FAM156A: variants seen among roughly 807,000 people sequenced by gnomAD.
The protein encoded by FAM156A is protein FAM156A/FAM156B.
chrX:52,975,051 TACACACACACACAC>T (rs61081750), intron 1 of FAM156A, among the ~76,000 whole-genome samples: 4,139 of 83,627 alleles, frequency 0.049, 102 homozygotes, highest in Middle Eastern at 0.13. Flanking sequence ...GTTAAACACA[TACACACACACACAC>T]ACACACACAC....
chrX:52,980,867 G>C (rs1047773794), intron 1 of FAM156A, among the ~76,000 whole-genome samples: 5 of 104,790 alleles, frequency 4.8e-5, no homozygotes, highest in Non-Finnish European at 9.8e-5. Context: ...GAGAGAGAGA[G>C]AGAGAGGCTG....
chrX:52,986,157 A>G (rs1422567626), intron 1 of FAM156A, among the ~76,000 whole-genome samples: 4 of 109,756 alleles, frequency 3.6e-5, no homozygotes, highest in Non-Finnish European at 7.6e-5. Context: ...GGCTGGGTCA[A>G]ATGGTATTTC....
chrX:52,991,463 T>C (rs1556795610), intron 1 of FAM156A, among the ~76,000 whole-genome samples: 1 of 111,394 alleles, frequency 9.0e-6, no homozygotes, highest in Non-Finnish European at 1.9e-5. Flanking sequence ...GGTTCACTGA[T>C]TCAAAGGCCA....
chrX:52,977,103 C>CAT (rs1410300011), intron 1 of FAM156A, among the ~76,000 whole-genome samples: 17 of 96,382 alleles, frequency 1.8e-4, no homozygotes, highest in South Asian at 4.6e-4. Context: ...CACACACACA[C>CAT]ACATATATAT....
At chrX:52,994,757 T>C (rs1344773895) in intron 1 of FAM156A, among the ~76,000 whole-genome samples, 1 of 111,210 alleles carries the variant, frequency 9.0e-6, no homozygotes, top group Non-Finnish European at 1.9e-5. Context: ...GGAGGATCAC[T>C]TGAGGCCAGG....
chrX:52,976,574 G>A (rs782042995), intron 1 of FAM156A, among the ~76,000 whole-genome samples: 1 of 112,300 alleles, frequency 8.9e-6, no homozygotes, highest in East Asian at 2.8e-4. Context: ...CAAATGTGGT[G>A]CATTCCCTTA....
At chrX:52,974,700 G>T (rs1485246998) in intron 1 of FAM156A, among the ~76,000 whole-genome samples, 2 of 111,022 alleles carry the variant, frequency 1.8e-5, no homozygotes, top group African/African-American at 6.6e-5. Context: ...AGGAAAGGGT[G>T]AGGTCAGGAG....
At chrX:52,987,948 C>T (rs782409156) in intron 1 of FAM156A, among the ~76,000 whole-genome samples, 2 of 112,090 alleles carry the variant, frequency 1.8e-5, no homozygotes, top group East Asian at 2.8e-4. Flanking sequence ...ATATATTCAA[C>T]GATTTGAATG....
rs781971366 is a variant in FAM156A, at chrX:52,990,022, G to A, written c.-434+5284C>T. ...GAGAAGAAGTAGGAAGGAGTGAAAA[G>A]CCATCTGCAGATGACCCCAACAGCA... is the stretch of plus-strand genomic sequence containing the variant. On this transcript the variant is annotated intron_variant, in intron 1 of 4. Transcript: ENST00000610625. Among the ~76,000 whole-genome samples, 14 of 111,760 alleles carry A rather than the reference G, an allele frequency of 1.3e-4. No individual in the cohort carries two copies. The South Asian group carries it at 4.9e-3, about 39-fold the overall frequency.
At chrX:52,993,694 C>T (rs1930965430) in intron 1 of FAM156A, among the ~76,000 whole-genome samples, 1 of 111,364 alleles carries the variant, frequency 9.0e-6, no homozygotes. Context: ...GGATTACAGG[C>T]ATGAGCCACT....
rs1298883355 is a variant in FAM156A, at chrX:52,981,460, C to T, written c.-434+13846G>A. Among the ~76,000 whole-genome samples, 5 of 111,449 alleles carry T rather than the reference C, an allele frequency of 4.5e-5. No individual in the cohort carries two copies. In the East Asian group the frequency reaches 1.4e-3, roughly 31 times the overall value. ...GTACCCCTGGACACCAAGACTTTAC[C>T]CTTGTTAGGGCACCCCCAGCAGGAC... On this transcript the variant is annotated intron_variant, in intron 1 of 4. Coordinates refer to the FAM156A transcript ENST00000610625.
chrX:52,991,385 C>T (rs148048392), intron 1 of FAM156A, among the ~76,000 whole-genome samples: 323 of 111,279 alleles, frequency 2.9e-3, no homozygotes, highest in African/African-American at 9.8e-3. Flanking sequence ...CCCTTTCCTC[C>T]GCCTTCTTGT....
chrX:52,993,343 C>T (rs782770183), intron 1 of FAM156A, among the ~76,000 whole-genome samples: 1 of 109,858 alleles, frequency 9.1e-6, no homozygotes, highest in Admixed American at 9.8e-5. Flanking sequence ...GATGCCTTCC[C>T]CACACACCCT....
intron 1 of FAM156A, among the ~76,000 whole-genome samples, chrX:52,978,956 C>A (rs1929679658): frequency 8.9e-6 from 1 of 112,285 alleles, no homozygotes; most frequent in Non-Finnish European, 1.9e-5. Flanking sequence ...AGTGCAGATT[C>A]CAGAACTCAC....
chrX:52,993,559 T>A (rs5951169), intron 1 of FAM156A, among the ~76,000 whole-genome samples: 1 of 109,034 alleles, frequency 9.2e-6, no homozygotes, highest in Non-Finnish European at 1.9e-5. Context: ...GGATTATAGG[T>A]GTCTGCCACC....
intron 1 of FAM156A, among the ~76,000 whole-genome samples, chrX:52,978,875 G>T (rs1327052068): frequency 8.9e-6 from 1 of 111,993 alleles, no homozygotes; most frequent in African/African-American, 3.2e-5. Context: ...CACTGGGAAA[G>T]GAGACTATTC....
intron 1 of FAM156A, among the ~76,000 whole-genome samples, chrX:52,986,497 A>C (rs1316482825): frequency 4.5e-5 from 5 of 111,230 alleles, no homozygotes; most frequent in Non-Finnish European, 9.4e-5. Context: ...CACCAAGACC[A>C]AGTGGGATTT....
chrX:52,976,695 A>G (rs1329964036), intron 1 of FAM156A, among the ~76,000 whole-genome samples: 1 of 111,369 alleles, frequency 9.0e-6, no homozygotes, highest in Non-Finnish European at 1.9e-5. Context: ...GCTATTTCCC[A>G]TAATGACAGT....
intron 1 of FAM156A, among the ~76,000 whole-genome samples, chrX:52,987,229 C>T (rs927578571): frequency 2.7e-5 from 3 of 112,021 alleles, no homozygotes; most frequent in African/African-American, 9.7e-5. Flanking sequence ...TCATGGATTA[C>T]AGACTCATTA....
Sources: allele counts gnomAD v4.1 joint callset (sites outside exome capture counted in the v4.1 genomes callset), GRCh38; gene constraint gnomAD v4.1.1; transcripts MANE v1.5; gene names NCBI Gene and HGNC (gene_info 2026-07-23, HGNC 2026-07-21).